The following XRCC4 variants were observed in gnomAD, a reference collection of about 807,000 sequenced individuals.
XRCC4 encodes the protein X-ray repair cross complementing 4.
In XRCC4, 28 loss-of-function variants were observed where a neutral mutation model predicts 39.1. The observed-to-expected ratio is 0.72, with a 90% confidence interval of 0.53 to 0.98. The LOEUF (loss-of-function observed/expected upper bound fraction) is 0.98. Ranked by LOEUF, XRCC4 falls within the 50% of genes least tolerant of loss-of-function variation. The pLI is 0.00. For missense variants in XRCC4, 350 were observed against 376.4 expected (o/e 0.93, Z 0.58); for synonymous variants, 123 against 126.4 (o/e 0.97, Z 0.18).
chr5:83,316,104 G>A (rs1172942329), intron 7 of XRCC4, among the ~76,000 whole-genome samples: 3 of 152,072 alleles, frequency 2.0e-5, no homozygotes, highest in Non-Finnish European at 4.4e-5. Context: ...AATCCTTGTG[G>A]ATGATTAGGG....
intron 7 of XRCC4, among the ~76,000 whole-genome samples, chr5:83,337,030 G>A (rs1049588739): frequency 6.6e-6 from 1 of 152,052 alleles, no homozygotes; most frequent in Non-Finnish European, 1.5e-5. Flanking sequence ...CTAAGTGATA[G>A]CATTTCTAAA....
At chr5:83,339,864 G>C (rs918156823) in intron 7 of XRCC4, among the ~76,000 whole-genome samples, 1 of 152,114 alleles carries the variant, frequency 6.6e-6, no homozygotes, top group Non-Finnish European at 1.5e-5. Flanking sequence ...AAGGGCTACC[G>C]TAAGTTTGTA....
chr5:83,294,028 G>A (rs1267552424), intron 7 of XRCC4, among the ~76,000 whole-genome samples: 1 of 151,748 alleles, frequency 6.6e-6, no homozygotes, highest in East Asian at 1.9e-4. Context: ...AATGTTCAAG[G>A]ATGTTTGACT....
chr5:83,212,539 A>T (rs1304115162), intron 6 of XRCC4, among the ~76,000 whole-genome samples: 1 of 152,184 alleles, frequency 6.6e-6, no homozygotes, highest in Non-Finnish European at 1.5e-5. Flanking sequence ...TAGAAAAAAA[A>T]TACTTGAAAA....
intron 3 of XRCC4, among the ~76,000 whole-genome samples, chr5:83,122,112 G>A (rs745653506): frequency 2.0e-5 from 3 of 152,070 alleles, no homozygotes; most frequent in Non-Finnish European, 4.4e-5. Flanking sequence ...AAATCATGTA[G>A]TATAACTTCT....
chr5:83,119,818 A>G (rs1711814080), intron 3 of XRCC4, among the ~76,000 whole-genome samples: 1 of 152,092 alleles, frequency 6.6e-6, no homozygotes, highest in South Asian at 2.1e-4. Context: ...ACCAAAAAGA[A>G]AAAAGTAAAT....
At chr5:83,199,667 T>A (rs1001419507) in intron 4 of XRCC4, among the ~76,000 whole-genome samples, 27 of 152,148 alleles carry the variant, frequency 1.8e-4, no homozygotes, top group African/African-American at 5.8e-4. Flanking sequence ...CCTAGTTTGT[T>A]ATTGTTTTGA....
At chr5:83,279,744 A>T (rs903964163) in intron 7 of XRCC4, among the ~76,000 whole-genome samples, 2 of 152,248 alleles carry the variant, frequency 1.3e-5, no homozygotes, top group African/African-American at 4.8e-5. Context: ...AGAAAATGAT[A>T]ATGTCTGTAC....
At chr5:83,226,423 G>A (rs990096909) in intron 6 of XRCC4, among the ~76,000 whole-genome samples, 2 of 151,980 alleles carry the variant, frequency 1.3e-5, no homozygotes, top group African/African-American at 4.8e-5. Context: ...TTTCTATACT[G>A]GCCCAAGGGG....
At chr5:83,228,539 C>G (rs1752375988) in intron 6 of XRCC4, among the ~76,000 whole-genome samples, 1 of 151,930 alleles carries the variant, frequency 6.6e-6, no homozygotes. Context: ...GAGTTCACAC[C>G]TAGGATTTTA....
At chr5:83,164,657 A>G (rs1412022259) in intron 3 of XRCC4, among the ~76,000 whole-genome samples, 1 of 152,124 alleles carries the variant, frequency 6.6e-6, no homozygotes, top group African/African-American at 2.4e-5. Context: ...CACAATGTGT[A>G]TATGTATCTC....
chr5:83,135,112 G>A (rs1194562531), intron 3 of XRCC4, among the ~76,000 whole-genome samples: 1 of 152,184 alleles, frequency 6.6e-6, no homozygotes, highest in African/African-American at 2.4e-5. Flanking sequence ...GGACACACAG[G>A]TACCGTCTGT....
chr5:83,174,317 C>A (rs116429216), intron 3 of XRCC4, among the ~76,000 whole-genome samples: 1 of 152,064 alleles, frequency 6.6e-6, no homozygotes, highest in Non-Finnish European at 1.5e-5. Flanking sequence ...TTGAGTGATA[C>A]AATCAAAGAA....
chr5:83,235,878 A>G (rs1264377772), intron 6 of XRCC4, among the ~76,000 whole-genome samples: 1 of 152,130 alleles, frequency 6.6e-6, no homozygotes, highest in Non-Finnish European at 1.5e-5. Flanking sequence ...AAGTTGCAAG[A>G]TATATAATCA....
At chr5:83,148,593 C>T (rs1447239752) in intron 3 of XRCC4, among the ~76,000 whole-genome samples, 1 of 152,018 alleles carries the variant, frequency 6.6e-6, no homozygotes, top group Non-Finnish European at 1.5e-5. Context: ...CATTCACTAT[C>T]CATTTATAGC....
intron 7 of XRCC4, among the ~76,000 whole-genome samples, chr5:83,267,052 T>G (rs936428470): frequency 1.2e-4 from 18 of 152,174 alleles, no homozygotes; most frequent in African/African-American, 4.1e-4. Flanking sequence ...ATGTCTAGAT[T>G]GTGCCAAATT....
At chr5:83,253,387 C>A (rs771442979) in intron 6 of XRCC4, among the ~76,000 whole-genome samples, 5 of 152,076 alleles carry the variant, frequency 3.3e-5, no homozygotes, top group Admixed American at 2.6e-4. Flanking sequence ...AAACAGTACA[C>A]ATTTTTTTTT....
At chr5:83,098,541 A>T (rs1193015569) in intron 1 of XRCC4, among the ~76,000 whole-genome samples, 1 of 152,106 alleles carries the variant, frequency 6.6e-6, no homozygotes, top group Non-Finnish European at 1.5e-5. Context: ...TTTACACTTA[A>T]TGTTTAGAAA....
chr5:83,127,283 C>G (rs966002601), intron 3 of XRCC4, among the ~76,000 whole-genome samples: 2 of 152,032 alleles, frequency 1.3e-5, no homozygotes, highest in Non-Finnish European at 2.9e-5. Flanking sequence ...ATTTCCCCAC[C>G]CAAATCTCAT....
Sources: gnomAD v4.1 joint callset for allele counts (sites outside exome capture counted in the v4.1 genomes callset) on GRCh38, gnomAD v4.1.1 for gene constraint, MANE v1.5 for transcripts, NCBI Gene and HGNC (gene_info 2026-07-23, HGNC 2026-07-21) for gene names.